The following KCNIP1 variants were observed in gnomAD, a reference collection of about 807,000 sequenced individuals.
KCNIP1 encodes the protein potassium voltage-gated channel interacting protein 1.
In KCNIP1, 18 loss-of-function variants were observed where a neutral mutation model predicts 33.0. The observed-to-expected ratio is 0.55, with a 90% CI of 0.38 to 0.81. The LOEUF is 0.81. KCNIP1 is among the 30% of genes least tolerant of loss of function. The probability of loss-of-function intolerance (pLI) is 0.00; values close to 1 mark genes in which losing one functional copy is unlikely to be tolerated. For missense variants in KCNIP1, 238 were observed against 271.6 expected, an observed-to-expected ratio of 0.88 and a Z score of 0.87; for synonymous variants, 93 against 98.3, an observed-to-expected ratio of 0.95 and a Z score of 0.32.
chr5:170,406,424 CTGCTCTG>C (rs1755040774), intron 1 of KCNIP1, among the ~76,000 whole-genome samples: 1 of 152,222 alleles, frequency 6.6e-6, no homozygotes, highest in South Asian at 2.1e-4. Flanking sequence ...AGTTACTTGA[CTGCTCTG>C]TGCCTTGGTT....
intron 1 of KCNIP1, chr5:170,383,449 G>A (rs1373239961): frequency 8.1e-6 from 5 of 615,534 alleles, no homozygotes; most frequent in Non-Finnish European, 1.5e-5. Context: ...CTGAGGAGGT[G>A]AGAGGCTAAG....
intron 1 of KCNIP1, among the ~76,000 whole-genome samples, chr5:170,528,053 G>T (rs1420284113): frequency 1.3e-5 from 2 of 152,132 alleles, no homozygotes; most frequent in African/African-American, 4.8e-5. Flanking sequence ...ATTTGGGAGA[G>T]CCTTAGGAAC....
intron 1 of KCNIP1, among the ~76,000 whole-genome samples, chr5:170,709,620 G>T (rs2113851994): frequency 6.6e-6 from 1 of 152,064 alleles, no homozygotes; most frequent in East Asian, 1.9e-4. Flanking sequence ...ATTTTTCAGT[G>T]GTTTTACTCT....
chr5:170,566,817 G>T (rs1200023660), intron 1 of KCNIP1, among the ~76,000 whole-genome samples: 1 of 152,170 alleles, frequency 6.6e-6, no homozygotes, highest in African/African-American at 2.4e-5. Context: ...CTGAGAAATT[G>T]AACTGGTTAT....
intron 1 of KCNIP1, among the ~76,000 whole-genome samples, chr5:170,618,010 C>G (rs1420040497): frequency 1.3e-5 from 2 of 152,136 alleles, no homozygotes; most frequent in African/African-American, 4.8e-5. Context: ...ATACAAAGTA[C>G]CATTTCTTCT....
chr5:170,396,503 G>A (rs969249688), intron 1 of KCNIP1, among the ~76,000 whole-genome samples: 1 of 152,234 alleles, frequency 6.6e-6, no homozygotes, highest in African/African-American at 2.4e-5. Context: ...ATGTTAAGGA[G>A]ACAGAAGCTA....
chr5:170,357,931 C>T (rs1474144792), intron 1 of KCNIP1, among the ~76,000 whole-genome samples: 1 of 152,224 alleles, frequency 6.6e-6, no homozygotes, highest in African/African-American at 2.4e-5. Context: ...AGTTAAAAGC[C>T]TGACTCCCAG....
chr5:170,444,699 TAA>T (rs111942720), intron 1 of KCNIP1, among the ~76,000 whole-genome samples: 3 of 146,330 alleles, frequency 2.1e-5, no homozygotes, highest in Admixed American at 1.4e-4. Context: ...TTTCTTTTTT[TAA>T]AAAAAAAAAA....
At chr5:170,621,663 C>T (rs1236171510) in intron 1 of KCNIP1, among the ~76,000 whole-genome samples, 3 of 152,190 alleles carry the variant, frequency 2.0e-5, no homozygotes. Context: ...CACATGCCAC[C>T]ACGCCTAGCT....
chr5:170,531,667 A>G (rs1755794667), intron 1 of KCNIP1, among the ~76,000 whole-genome samples: 1 of 152,182 alleles, frequency 6.6e-6, no homozygotes, highest in Non-Finnish European at 1.5e-5. Flanking sequence ...AAGAAACAGG[A>G]TCTGTTCCTT....
chr5:170,588,724 G>A (rs1453229180), intron 1 of KCNIP1, among the ~76,000 whole-genome samples: 1 of 152,136 alleles, frequency 6.6e-6, no homozygotes, highest in Non-Finnish European at 1.5e-5. Context: ...CACATGTGTA[G>A]GCTGTTTCCT....
chr5:170,478,473 T>C (rs1287228215), intron 1 of KCNIP1, among the ~76,000 whole-genome samples: 1 of 125,676 alleles, frequency 8.0e-6, no homozygotes, highest in Non-Finnish European at 1.8e-5. Context: ...TGTAGATCCC[T>C]CGGGCTGCCA....
At chr5:170,550,455 AATG>A (rs1561681697) in intron 1 of KCNIP1, among the ~76,000 whole-genome samples, 2 of 151,824 alleles carry the variant, frequency 1.3e-5, no homozygotes, top group African/African-American at 4.8e-5. Context: ...TGATGATGGC[AATG>A]ATGATGATGG....
rs574344884 is a variant in KCNIP1, at chr5:170,358,257, A to G, written c.88+4293A>G. Among the ~76,000 whole-genome samples the G allele has an allele frequency of 2.0e-5, 3 of 152,318 alleles. No homozygotes were observed. The South Asian group carries it at 6.2e-4, about 32-fold the overall frequency. On this transcript the variant is annotated intron_variant, in intron 1 of 7. Coordinates refer to the KCNIP1 transcript ENST00000377360. ...GCTTCTAGTGTCCTCCAGGCCACCC[A>G]TGAGGCTGCGGGGGTGGGGAAAAGG... is the stretch of plus-strand genomic sequence containing the variant.
chr5:170,651,539 A>G (rs1009178417), intron 1 of KCNIP1, among the ~76,000 whole-genome samples: 2 of 152,184 alleles, frequency 1.3e-5, no homozygotes, highest in Non-Finnish European at 2.9e-5. Flanking sequence ...AGCAAATGCC[A>G]TCAGTCAATG....
At chr5:170,406,660 C>T (rs575288749) in intron 1 of KCNIP1, among the ~76,000 whole-genome samples, 2 of 152,188 alleles carry the variant, frequency 1.3e-5, no homozygotes, top group South Asian at 4.1e-4. Context: ...ATTTCTCCTC[C>T]CACATCAGCA....
chr5:170,730,492 T>C lies in KCNIP1; in HGVS notation c.436-2308T>C, dbSNP rs372049801. On this transcript the variant is annotated intron_variant, in intron 5 of 7. Transcript: ENST00000328939. Reference sequence around the variant, plus strand: ...ATAACCTCATCCAAGTTGTAGGCTATGAAAATCCTGAGAGAGCAACAAAAT... The same window carrying C: ...ATAACCTCATCCAAGTTGTAGGCTACGAAAATCCTGAGAGAGCAACAAAAT... Among the ~76,000 whole-genome samples the C allele has an allele frequency of 3.7e-4, 57 of 152,202 alleles. 2 individuals are homozygous for C. The South Asian group carries it at 0.011, about 29-fold the overall frequency.
At chr5:170,484,731 C>G (rs1757047541) in intron 1 of KCNIP1, among the ~76,000 whole-genome samples, 1 of 151,048 alleles carries the variant, frequency 6.6e-6, no homozygotes, top group South Asian at 2.1e-4. Context: ...CCAAATCTCT[C>G]TTAGCCAGGC....
At chr5:170,679,091 C>G (rs965561343) in intron 1 of KCNIP1, 10 of 152,302 alleles carry the variant, frequency 6.6e-5, no homozygotes, top group African/African-American at 2.4e-4. Context: ...GTGAATTTCT[C>G]AGGTTTTCTT....
Sources: allele counts gnomAD v4.1 joint callset (sites outside exome capture counted in the v4.1 genomes callset), GRCh38; gene constraint gnomAD v4.1.1; transcripts MANE v1.5; gene names NCBI Gene and HGNC (gene_info 2026-07-23, HGNC 2026-07-21).